Variants in ZNF490 observed in about 807,000 individuals in gnomAD.
The protein encoded by ZNF490 is zinc finger protein 490.
In ZNF490, 11 loss-of-function variants were observed where a neutral mutation model predicts 17.7. The observed-to-expected ratio is 0.62, with a 90% CI of 0.39 to 1.03. The LOEUF (loss-of-function observed/expected upper bound fraction) is 1.03, where lower values mean the gene tolerates loss of function less well. ZNF490 is among the 50% of genes least tolerant of loss of function. The pLI, the probability that ZNF490 is intolerant of heterozygous loss-of-function variation, is 0.00. For missense variants in ZNF490, 542 were observed against 643.4 expected, an observed-to-expected ratio of 0.84 and a Z score of 1.71; for synonymous variants, 222 against 216.1, an observed-to-expected ratio of 1.03 and a Z score of -0.24.
intron 2 of ZNF490, among the ~76,000 whole-genome samples, chr19:12,590,978 A>C (rs2022862988): frequency 6.6e-6 from 1 of 152,104 alleles, no homozygotes; most frequent in Non-Finnish European, 1.5e-5. Context: ...TAGATCAAAG[A>C]TGTAACTGTA....
At chr19:12,601,150 A>G (rs1048444953) in intron 2 of ZNF490, among the ~76,000 whole-genome samples, 4 of 151,942 alleles carry the variant, frequency 2.6e-5, no homozygotes, top group Non-Finnish European at 5.9e-5. Flanking sequence ...GCACTTTCGG[A>G]GGCCAAGGCG....
intron 2 of ZNF490, among the ~76,000 whole-genome samples, chr19:12,590,725 T>A (rs1157297450): frequency 6.6e-6 from 1 of 152,104 alleles, no homozygotes; most frequent in African/African-American, 2.4e-5. Flanking sequence ...AAGCTCAACA[T>A]ATAAGGCCAA....
intron 2 of ZNF490, among the ~76,000 whole-genome samples, chr19:12,595,248 T>C (rs2022917648): frequency 6.6e-6 from 1 of 151,606 alleles, no homozygotes; most frequent in South Asian, 2.1e-4. Context: ...TTCAAGAAAT[T>C]CTCCTGCTCC....
chr19:12,603,716 C>T (rs1033908560), intron 2 of ZNF490, among the ~76,000 whole-genome samples: 11 of 150,054 alleles, frequency 7.3e-5, no homozygotes, highest in Admixed American at 2.7e-4. Context: ...TGCTTGAACC[C>T]GGGGGTGGAG....
At position 12,578,273 on chromosome 19, in the gene ZNF490, TCTGAGTGTC is replaced by T; in HGVS notation, c.*2203_*2211del. ...AAAGCAAGTTAGGGGAGGTAAGAATTCTGAGTGTCCTACAGCTAAGACATGGCAGAGTGT... is the reference window on the plus strand; with the variant it reads ...AAAGCAAGTTAGGGGAGGTAAGAATTCTACAGCTAAGACATGGCAGAGTGT... On this transcript the variant is annotated 3_prime_UTR_variant, in exon 5 of 5. Coordinates refer to ENST00000311437, the MANE Select transcript of ZNF490 (RefSeq NM_020714.3). The T allele has an allele frequency of 1.0e-6, 1 of 985,560 alleles. No homozygotes were observed. Among genetic ancestry groups the T allele is most frequent in the Non-Finnish European group, 1.2e-6 (1 of 830,078 alleles). The allele number at this position is 985,560 out of a possible 1,614,324, so 61.1% of individuals were successfully genotyped here.
At chr19:12,603,661 G>A (rs970776102) in intron 2 of ZNF490, among the ~76,000 whole-genome samples, 10 of 151,792 alleles carry the variant, frequency 6.6e-5, no homozygotes, top group Admixed American at 5.3e-4. Context: ...ATGTGGTGGC[G>A]TGCACCTGTA....
rs188421668 is a variant in ZNF490 at position 12,582,983 on chromosome 19, T to C, written c.290-73A>G. 86 of 1,215,236 alleles carry C rather than the reference T, an allele frequency of 7.1e-5. 1 individual carries two copies. The East Asian group carries it at 2.0e-3, about 28-fold the overall frequency. 75.3% of individuals were successfully genotyped at this position (1,215,236 alleles called of 1,614,324 possible). On this transcript the variant is annotated intron_variant, in intron 3 of 4. Coordinates refer to ENST00000311437, the MANE Select transcript of ZNF490 (RefSeq NM_020714.3). Reference sequence around the variant, plus strand: ...GAAAATTATAACACTCTAAGATCCATGATTAGCTATTGATTAGCTATGACA... The same window carrying C: ...GAAAATTATAACACTCTAAGATCCACGATTAGCTATTGATTAGCTATGACA...
Position 12,580,904 on chromosome 19 carries a change from C to G in ZNF490, c.1171G>C (p.Glu391Gln), listed in dbSNP as rs755619749. 6.2e-7 allele frequency: 1 copy of G among 1,614,206 alleles called. No individual in the cohort carries two copies. The highest frequency in any genetic ancestry group is 8.5e-7 in the Non-Finnish European group (1 of 1,180,042). Residue 391 changes from glutamate to glutamine, a missense_variant, in exon 5 of 5, where the codon GAA becomes CAA. By Grantham distance (29) the Glu-to-Gln change is conservative. Transcript: ENST00000311437. ...AAGGCTTTACCACATTGTTTACATT[C>G]ATAGGGTTTTTCTCCAAAATGAGTT... ...ERTHFGEKPY[E>Q]CKQCGKAFNS...
chr19:12,607,739 A>G (rs1345768149), intron 2 of ZNF490, among the ~76,000 whole-genome samples: 1 of 148,238 alleles, frequency 6.7e-6, no homozygotes, highest in African/African-American at 2.4e-5. Flanking sequence ...CCTGTCTCAA[A>G]AAAAAAAAAA....
At position 12,576,727 on chromosome 19, in the gene ZNF490, G is replaced by A. The variant is rs2022642187; in HGVS notation, c.*3758C>T. On this transcript the variant is annotated 3_prime_UTR_variant, in exon 5 of 5. Coordinates refer to ENST00000311437, the MANE Select transcript of ZNF490 (RefSeq NM_020714.3). ...AGCTACTCAGGAGGCTGAGGCAGGA[G>A]AATTGCTTGAACCTGAGAAGTGGAG... Among the ~76,000 whole-genome samples, 1 of 141,216 alleles carries A rather than the reference G, an allele frequency of 7.1e-6. No homozygotes were observed. The highest frequency in any genetic ancestry group is 2.3e-4 in the South Asian group (1 of 4,314). The allele number at this position is 141,216 out of a possible 152,430, so 92.6% of individuals were successfully genotyped here.
chr19:12,583,896 C>T (rs921126946), intron 2 of ZNF490, among the ~76,000 whole-genome samples: 9 of 149,356 alleles, frequency 6.0e-5, no homozygotes, highest in African/African-American at 2.5e-5. Flanking sequence ...CTGAAAGCTC[C>T]GCCTCCTGGG....
intron 2 of ZNF490, among the ~76,000 whole-genome samples, chr19:12,599,804 T>C (rs2022979618): frequency 6.6e-6 from 1 of 152,164 alleles, no homozygotes; most frequent in Non-Finnish European, 1.5e-5. Flanking sequence ...TTAGATAAAA[T>C]AAAGCTGAAA....
At position 12,610,638 on chromosome 19, in the gene ZNF490, G is replaced by A. The variant is rs1394163274; in HGVS notation, c.43C>T (p.Leu15Phe). 6.2e-7 allele frequency: 1 copy of A among 1,613,936 alleles called. No homozygotes were observed. Among genetic ancestry groups the A allele is most frequent in the South Asian group, 1.1e-5 (1 of 91,076 alleles). ...SSLSFQMERP[L>F]EEQVQSKWSS... is the part of the protein sequence containing the mutation. ...CACTTGCTCTGGACTTGCTCCTCGAGGGGTCGCTCCATCTGGAAACTGAGA... is the reference window on the plus strand; with the variant it reads ...CACTTGCTCTGGACTTGCTCCTCGAAGGGTCGCTCCATCTGGAAACTGAGA... The change falls in exon 1 of 5, where the codon CTC (leucine) becomes TTC (phenylalanine). Residue 15 changes from leucine to phenylalanine, a missense_variant. Transcript: ENST00000311437.
rs866982388 is a variant in ZNF490, at chr19:12,583,811, A to T, written c.163-255T>A. On this transcript the variant is annotated intron_variant, in intron 2 of 4. Coordinates refer to ENST00000311437, the MANE Select transcript of ZNF490 (RefSeq NM_020714.3). ...TCTCTCTATATATATATATATATATATTTTTTTTTTTTTTTTTTTGAAACA... is the reference window on the plus strand; with the variant it reads ...TCTCTCTATATATATATATATATATTTTTTTTTTTTTTTTTTTTTGAAACA... Among the ~76,000 whole-genome samples, 687 of 78,648 alleles carry T rather than the reference A, an allele frequency of 8.7e-3. 10 individuals are homozygous for T. The highest frequency in any genetic ancestry group is 0.029 in the African/African-American group (575 of 19,638). 51.6% of individuals were successfully genotyped at this position (78,648 alleles called of 152,430 possible). A position where few individuals can be genotyped will look rare whatever the true frequency, so the allele number is the denominator to read the frequency against.
chr19:12,599,157 A>G (rs1452208571), intron 2 of ZNF490, among the ~76,000 whole-genome samples: 16 of 149,466 alleles, frequency 1.1e-4, no homozygotes, highest in East Asian at 9.6e-4. Flanking sequence ...AAAAAAAAAA[A>G]AAAAAGAAAG....
intron 2 of ZNF490, among the ~76,000 whole-genome samples, chr19:12,600,438 A>T (rs944389364): frequency 1.3e-5 from 2 of 152,134 alleles, no homozygotes; most frequent in African/African-American, 4.8e-5. Context: ...AATTTGGCTT[A>T]TTTGGTACAA....
At chr19:12,583,791 C>CTCTCTA (rs1315571249) in intron 2 of ZNF490, among the ~76,000 whole-genome samples, 36 of 68,122 alleles carry the variant, frequency 5.3e-4, no homozygotes, top group East Asian at 1.6e-3. Flanking sequence ...CTCTCTCTCT[C>CTCTCTA]TATATATATA....
In ZNF490 at chr19:12,581,110, C is replaced by T. The variant is rs773377509; in HGVS notation, c.965G>A (p.Arg322Gln). The change falls in exon 5 of 5, where the codon CGG becomes CAG. Residue 322 changes from arginine (R) to glutamine (Q), a missense_variant. Transcript: ENST00000311437. ...GKAFSCPTYL[R>Q]SHEKTHTGEK... Reference sequence around the variant, plus strand: ...TCCAGTATGAGTTTTCTCATGACTCCGTAAGTACGTGGGACAACTGAAGGC... The same window carrying T: ...TCCAGTATGAGTTTTCTCATGACTCTGTAAGTACGTGGGACAACTGAAGGC... The T allele has an allele frequency of 2.5e-5, 41 of 1,613,924 alleles. No individual in the cohort carries two copies. Among genetic ancestry groups the T allele is most frequent in the South Asian group, 2.1e-4 (19 of 91,088 alleles).
rs1455109182 is a variant in ZNF490, at chr19:12,580,597, T to C, written c.1478A>G (p.Lys493Arg). 1 of 1,614,060 alleles carries C rather than the reference T, an allele frequency of 6.2e-7. No homozygotes were observed. Among genetic ancestry groups the C allele is most frequent in the African/African-American group, 1.3e-5 (1 of 74,930 alleles). The part of the protein sequence containing the change: ...FTCLNSLKVH[K>R]RIHTGERPFQ... ...GGGTCTTTCTCCAGTATGAATTCTT[T>C]TGTGTACTTTCAGGGAATTTAAACA... Residue 493 changes from lysine to arginine, a missense_variant, in exon 5 of 5, where the codon AAA (lysine) becomes AGA (arginine). Coordinates refer to ENST00000311437, the MANE Select transcript of ZNF490 (RefSeq NM_020714.3).
Sources: gnomAD v4.1 joint callset for allele counts (sites outside exome capture counted in the v4.1 genomes callset) on GRCh38, gnomAD v4.1.1 for gene constraint, MANE v1.5 for transcripts, NCBI Gene and HGNC (gene_info 2026-07-23, HGNC 2026-07-21) for gene names.